The following SMNDC1 variants were observed in gnomAD, a reference collection of about 807,000 sequenced individuals.
SMNDC1 encodes survival of motor neuron-related-splicing factor 30.
A neutral mutation model predicts 29.2 loss-of-function variants in SMNDC1; 5 were observed. The ratio of observed to expected loss-of-function variants is 0.17; its 90% CI spans 0.09 to 0.36. SMNDC1 has a LOEUF of 0.36. Ranked by LOEUF, SMNDC1 falls within the 10% of genes least tolerant of loss-of-function variation. SMNDC1 has a pLI of 1.00. For synonymous variants in SMNDC1, 80 were observed against 89.9 expected (o/e 0.89, Z 0.62); for missense variants, 142 against 268.5 (o/e 0.53, Z 3.29).
intron 2 of SMNDC1, 101 bp from the exon 3 acceptor site, chr10:110,298,891 T>A: frequency 1.2e-6 from 1 of 808,006 alleles, no homozygotes; most frequent in Non-Finnish European, 1.9e-6. Flanking sequence ...GTACTCTACA[T>A]ATATTTCATT....
intron 2 of SMNDC1, among the ~76,000 whole-genome samples, chr10:110,299,464 T>C (rs1320698079): frequency 6.6e-6 from 1 of 152,194 alleles, no homozygotes; most frequent in African/African-American, 2.4e-5. Flanking sequence ...ACAAAGGCAA[T>C]GCCTTTCTGT....
rs2134500804 is a variant in SMNDC1, at chr10:110,297,744, G to C, written c.264-16C>G. ...TTCATAACACCTGTAAAGATATCAT[G>C]GCTGTAAGCAGGTGAGTAAAGGTTT... On this transcript the variant is annotated splice_polypyrimidine_tract_variant and intron_variant, in intron 3 of 5. Coordinates refer to ENST00000369603, the MANE Select transcript of SMNDC1 (RefSeq NM_005871.4). The C allele has an allele frequency of 6.2e-7, 1 of 1,611,092 alleles. No individual in the cohort carries two copies. Among genetic ancestry groups the C allele is most frequent in the East Asian group, 2.2e-5 (1 of 44,872 alleles).
rs574729045 is a variant in SMNDC1 at position 110,290,737 on chromosome 10, A to AAAT, written c.*3410_*3412dup. The AAAT allele has an allele frequency of 2.6e-5, 4 of 152,350 alleles. No homozygotes were observed. The highest frequency in any genetic ancestry group is 6.5e-5 in the Admixed American group (1 of 15,310). The allele number at this position is 152,350 out of a possible 1,614,324, so 9.4% of individuals were successfully genotyped here. A position where few individuals can be genotyped will look rare whatever the true frequency, so the allele number is the denominator to read the frequency against. On this transcript the variant is annotated 3_prime_UTR_variant, in exon 6 of 6. Coordinates refer to ENST00000369603, the MANE Select transcript of SMNDC1 (RefSeq NM_005871.4). Reference sequence around the variant, plus strand: ...ATATTTATTGAATCAAGATTTAAAAAAATATAAAACCTCATTGGTTTTAAT... The same window carrying AAAT: ...ATATTTATTGAATCAAGATTTAAAAAAATAATATAAAACCTCATTGGTTTTAAT...
rs371764358 is a variant in SMNDC1, at chr10:110,297,731, G to A, written c.264-3C>T. ...CCTCAATCTCCGCTTCATAACACCT[G>A]TAAAGATATCATGGCTGTAAGCAGG... is the stretch of plus-strand genomic sequence containing the variant. On this transcript the variant is annotated splice_region_variant and splice_polypyrimidine_tract_variant and intron_variant, in intron 3 of 5. Transcript: ENST00000369603. 10 of 1,613,078 alleles carry A rather than the reference G, an allele frequency of 6.2e-6. No individual in the cohort carries two copies. The highest frequency in any genetic ancestry group is 8.5e-6 in the Non-Finnish European group (10 of 1,179,512).
chr10:110,303,727 C>A, intron 1 of SMNDC1, 140 bp from the exon 2 acceptor site: 1 of 697,526 alleles, frequency 1.4e-6, no homozygotes. Context: ...CCACCATTAC[C>A]TTTACTCTCA....
At chr10:110,301,417 C>G (rs907262345) in intron 2 of SMNDC1, among the ~76,000 whole-genome samples, 1 of 152,144 alleles carries the variant, frequency 6.6e-6, no homozygotes, top group African/African-American at 2.4e-5. Context: ...TCAAAATAGA[C>G]CTTATCTAGG....
intron 3 of SMNDC1, among the ~76,000 whole-genome samples, chr10:110,298,160 T>C (rs531129470): frequency 6.6e-6 from 1 of 152,280 alleles, no homozygotes; most frequent in East Asian, 1.9e-4. Flanking sequence ...AACTGATTTT[T>C]GTATTTTTAG....
At position 110,290,929 on chromosome 10, in the gene SMNDC1, T is replaced by G. The variant is rs1293331629; in HGVS notation, c.*3221A>C. ...ACACATGAGTCACACAACTACAGTT[T>G]TCCTTTATGTTAACCTGATGGTCTC... On this transcript the variant is annotated 3_prime_UTR_variant, in exon 6 of 6. Coordinates refer to ENST00000369603, the MANE Select transcript of SMNDC1 (RefSeq NM_005871.4). The G allele has an allele frequency of 6.6e-6, 1 of 152,180 alleles. No individual in the cohort carries two copies. Among genetic ancestry groups the G allele is most frequent in the African/African-American group, 2.4e-5 (1 of 41,446 alleles). 9.4% of individuals were successfully genotyped at this position (152,180 alleles called of 1,614,324 possible).
In SMNDC1 at chr10:110,293,997, G is replaced by A. The variant is rs577905971; in HGVS notation, c.*153C>T. 1 of 552,508 alleles carries A rather than the reference G, an allele frequency of 1.8e-6. No individual in the cohort carries two copies. Among genetic ancestry groups the A allele is most frequent in the African/African-American group, 2.0e-5 (1 of 50,140 alleles). 34.2% of individuals were successfully genotyped at this position (552,508 alleles called of 1,614,324 possible). A position where few individuals can be genotyped will look rare whatever the true frequency, so the allele number is the denominator to read the frequency against. On this transcript the variant is annotated 3_prime_UTR_variant, in exon 6 of 6. Coordinates refer to ENST00000369603, the MANE Select transcript of SMNDC1 (RefSeq NM_005871.4). ...GTTAAATGAATAGCAGTTATCAAAT[G>A]CAATTTCTTCACGTTTCATTCTACT...
chr10:110,294,346 A>T, intron 5 of SMNDC1, 59 bp from the exon 6 acceptor site: 1 of 1,376,574 alleles, frequency 7.3e-7, no homozygotes, highest in Non-Finnish European at 9.8e-7. Context: ...AAAAAATTTC[A>T]AATTTTAAGT....
Position 110,298,665 on chromosome 10 carries a change from G to C in SMNDC1, c.246C>G (p.Val82=), listed in dbSNP as rs1444582148. ...SWKVGDKCMA[V]WSEDGQCYEA... is the part of the protein sequence containing the mutation. ...ACACTTACTGTCCATCTTCACTCCAGACTGCCATACACTTGTCTCCTACTT... is the reference window on the plus strand; with the variant it reads ...ACACTTACTGTCCATCTTCACTCCACACTGCCATACACTTGTCTCCTACTT... The change falls in exon 3 of 6, where the codon GTC becomes GTG. Residue 82 remains valine (V), a synonymous_variant. Transcript: ENST00000369603. The C allele has an allele frequency of 6.2e-7, 1 of 1,610,994 alleles. No homozygotes were observed. Among genetic ancestry groups the C allele is most frequent in the Non-Finnish European group, 8.5e-7 (1 of 1,178,506 alleles).
At chr10:110,294,654 T>A (rs527669822) in intron 5 of SMNDC1, among the ~76,000 whole-genome samples, 2 of 152,354 alleles carry the variant, frequency 1.3e-5, no homozygotes, top group Non-Finnish European at 2.9e-5. Context: ...AGCCAAATTG[T>A]GAAGTCCCTT....
chr10:110,298,601 A>G, intron 3 of SMNDC1, 47 bp downstream of exon 3: 1 of 1,492,818 alleles, frequency 6.7e-7, no homozygotes, highest in Non-Finnish European at 9.2e-7. Flanking sequence ...TTACCATTGT[A>G]TTTTATTATT....
intron 2 of SMNDC1, chr10:110,300,495 A>G (rs1259087576): frequency 1.3e-5 from 12 of 913,068 alleles, no homozygotes; most frequent in Non-Finnish European, 1.4e-5. Flanking sequence ...CGTATGGACC[A>G]AAGTATTAGA....
intron 4 of SMNDC1, among the ~76,000 whole-genome samples, chr10:110,296,181 A>C (rs142266152): frequency 3.9e-5 from 6 of 152,320 alleles, no homozygotes; most frequent in African/African-American, 1.2e-4. Flanking sequence ...CACCAAAACA[A>C]AACACCTGGG....
intron 3 of SMNDC1, 108 bp from the exon 4 acceptor site, chr10:110,297,836 T>C: frequency 1.0e-6 from 1 of 963,774 alleles, no homozygotes; most frequent in African/African-American, 1.7e-5. Flanking sequence ...ATGAAACTTC[T>C]ATAATCAAAT....
At chr10:110,303,345 CT>C in intron 2 of SMNDC1, 122 bp downstream of exon 2, 1 of 769,068 alleles carries the variant, frequency 1.3e-6, no homozygotes, top group South Asian at 2.3e-5. Context: ...GCAATGGTAC[CT>C]ACAGAATTTA....
In SMNDC1 at chr10:110,292,531, G is replaced by A. The variant is rs1254138606; in HGVS notation, c.*1619C>T. Reference sequence around the variant, plus strand: ...AAGGATTCTCTTGCAATCCATCAAGGCTACTCTTGATTATTGATAAGCTCT... The same window carrying A: ...AAGGATTCTCTTGCAATCCATCAAGACTACTCTTGATTATTGATAAGCTCT... On this transcript the variant is annotated 3_prime_UTR_variant, in exon 6 of 6. Transcript: ENST00000369603. The A allele has an allele frequency of 6.6e-6, 1 of 152,046 alleles. No individual in the cohort carries two copies. Among genetic ancestry groups the A allele is most frequent in the African/African-American group, 2.4e-5 (1 of 41,398 alleles). The allele number at this position is 152,046 out of a possible 1,614,324, so 9.4% of individuals were successfully genotyped here. A position where few individuals can be genotyped will look rare whatever the true frequency, so the allele number is the denominator to read the frequency against.
intron 4 of SMNDC1, among the ~76,000 whole-genome samples, chr10:110,295,767 A>G (rs10732802): frequency 0.86 from 130,290 of 152,044 alleles, 56,171 homozygotes; most frequent in East Asian, 1. Context: ...TCACCCTCCC[A>G]AGTAGCTGGG....
Sources: gnomAD v4.1 joint callset for allele counts (sites outside exome capture counted in the v4.1 genomes callset) on GRCh38, gnomAD v4.1.1 for gene constraint, MANE v1.5 for transcripts, NCBI Gene and HGNC (gene_info 2026-07-23, HGNC 2026-07-21) for gene names.